ITPR2: variants seen among roughly 807,000 people sequenced by gnomAD.
The protein encoded by ITPR2 is inositol 1,4,5-trisphosphate receptor type 2.
Under a neutral mutation model 317.1 loss-of-function variants are expected in ITPR2, and 207 were observed. The observed-to-expected ratio is 0.65, with a 90% CI of 0.58 to 0.73. The LOEUF is 0.73. ITPR2 is among the 30% of genes least tolerant of loss of function. ITPR2 has a pLI of 0.00. For synonymous variants in ITPR2, 1,156 were observed against 1,149.1 expected (o/e 1.01, Z -0.12); for missense variants, 2,613 against 3,284.0 (o/e 0.80, Z 4.99).
intron 26 of ITPR2, among the ~76,000 whole-genome samples, chr12:26,605,126 A>AATATATATAT (rs71069256): frequency 1.5e-4 from 20 of 136,318 alleles, no homozygotes; most frequent in African/African-American, 5.0e-4. Flanking sequence ...AAAAAATAAA[A>AATATATATAT]ATATATATAT....
intron 2 of ITPR2, among the ~76,000 whole-genome samples, chr12:26,768,794 T>G (rs1331939243): frequency 6.6e-6 from 1 of 152,098 alleles, no homozygotes; most frequent in African/African-American, 2.4e-5. Flanking sequence ...GCAGCCTGTC[T>G]AAATAGAACC....
At chr12:26,736,623 G>T (rs773919106) in intron 2 of ITPR2, among the ~76,000 whole-genome samples, 1 of 152,150 alleles carries the variant, frequency 6.6e-6, no homozygotes, top group Non-Finnish European at 1.5e-5. Flanking sequence ...CCTGTTGCCT[G>T]AGCTTAATTA....
chr12:26,591,341 C>T (rs1945697931), intron 32 of ITPR2, among the ~76,000 whole-genome samples: 1 of 152,146 alleles, frequency 6.6e-6, no homozygotes, highest in South Asian at 2.1e-4. Flanking sequence ...AGGTGTTCAA[C>T]ATCATTGATC....
At chr12:26,623,659 G>A (rs1286560956) in intron 24 of ITPR2, among the ~76,000 whole-genome samples, 3 of 152,180 alleles carry the variant, frequency 2.0e-5, no homozygotes, top group African/African-American at 7.2e-5. Flanking sequence ...TGTACAGACT[G>A]TTTTTAGGGT....
At chr12:26,804,029 A>C (rs1226984795) in intron 1 of ITPR2, among the ~76,000 whole-genome samples, 1 of 152,160 alleles carries the variant, frequency 6.6e-6, no homozygotes, top group Admixed American at 6.5e-5. Flanking sequence ...ATAAAAAATA[A>C]AGAAATAATT....
In ITPR2 at chr12:26,408,881, A is replaced by C. The variant is rs150398300; in HGVS notation, c.7399+2439T>G. ...CAATAAAATATTTGTGTTAATAATA[A>C]ACTTTTTAACATATTATTTTTCATA... On this transcript the variant is annotated intron_variant, in intron 52 of 56. Coordinates refer to ENST00000381340, the MANE Select transcript of ITPR2 (RefSeq NM_002223.4). Among the ~76,000 whole-genome samples the C allele has an allele frequency of 4.3e-3, 652 of 152,324 alleles. 5 individuals are homozygous for C. The highest frequency in any genetic ancestry group is 0.015 in the African/African-American group (615 of 41,568).
At chr12:26,832,546 C>T (rs1951132129) in intron 1 of ITPR2, 144 bp downstream of exon 1, 8 of 527,094 alleles carry the variant, frequency 1.5e-5, no homozygotes, top group Non-Finnish European at 2.6e-5. Flanking sequence ...GAGAGCGGAG[C>T]GCACGGCGCT....
chr12:26,790,903 T>A (rs1280236961), intron 1 of ITPR2, among the ~76,000 whole-genome samples: 1 of 152,178 alleles, frequency 6.6e-6, no homozygotes, highest in East Asian at 1.9e-4. Flanking sequence ...CCTCACAGTA[T>A]TGTTAGAAAG....
Position 26,628,179 on chromosome 12 carries a change from G to A in ITPR2, c.2935-17C>T, listed in dbSNP as rs769636976. On this transcript the variant is annotated splice_polypyrimidine_tract_variant and intron_variant, in intron 22 of 56. Coordinates refer to ENST00000381340, the MANE Select transcript of ITPR2 (RefSeq NM_002223.4). ...CAGGATAAACTATAAGAAACATTAA[G>A]AACAACATAAATTTCTTTCATTAGC... The A allele has an allele frequency of 6.4e-6, 10 of 1,571,220 alleles. No individual in the cohort carries two copies. Among genetic ancestry groups the A allele is most frequent in the Non-Finnish European group, 8.6e-6 (10 of 1,156,468 alleles).
intron 37 of ITPR2, among the ~76,000 whole-genome samples, chr12:26,512,043 C>A (rs7303990): frequency 0.42 from 63,548 of 151,986 alleles, 14,874 homozygotes; most frequent in Non-Finnish European, 0.53. Flanking sequence ...TCAAAAACAT[C>A]TTTTGCTCTT....
At chr12:26,641,716 C>A (rs1211398595) in intron 21 of ITPR2, among the ~76,000 whole-genome samples, 1 of 151,988 alleles carries the variant, frequency 6.6e-6, no homozygotes, top group Non-Finnish European at 1.5e-5. Context: ...TGATGTGTAG[C>A]CTGGCATCCG....
rs932194609 is a variant in ITPR2, at chr12:26,445,843, G to A, written c.6343-2193C>T. ...AAATAGATGGCAGCTAGACAAAAGG[G>A]CAGGGATAAAGGTGGATTTTTTAAA... On this transcript the variant is annotated intron_variant, in intron 45 of 56. Coordinates refer to ENST00000381340, the MANE Select transcript of ITPR2 (RefSeq NM_002223.4). Among the ~76,000 whole-genome samples, 3 of 152,148 alleles carry A rather than the reference G, an allele frequency of 2.0e-5. No homozygotes were observed. The East Asian group carries it at 5.8e-4, about 29-fold the overall frequency.
chr12:26,759,430 G>C (rs1178280038), intron 2 of ITPR2, among the ~76,000 whole-genome samples: 1 of 152,190 alleles, frequency 6.6e-6, no homozygotes, highest in Non-Finnish European at 1.5e-5. Flanking sequence ...AAGAGAAAGA[G>C]TAATTCGTAA....
At chr12:26,446,164 A>G (rs896844126) in intron 45 of ITPR2, among the ~76,000 whole-genome samples, 12 of 152,146 alleles carry the variant, frequency 7.9e-5, no homozygotes, top group African/African-American at 2.9e-4. Flanking sequence ...AAAAGCAGCT[A>G]TAAAATAGCT....
At chr12:26,568,560 T>A (rs953617290) in intron 34 of ITPR2, among the ~76,000 whole-genome samples, 1 of 152,072 alleles carries the variant, frequency 6.6e-6, no homozygotes, top group Non-Finnish European at 1.5e-5. Context: ...TATAAAAAAA[T>A]TTTAATTAGA....
At chr12:26,432,746 G>C (rs1240900392) in intron 48 of ITPR2, among the ~76,000 whole-genome samples, 1 of 152,104 alleles carries the variant, frequency 6.6e-6, no homozygotes, top group African/African-American at 2.4e-5. Flanking sequence ...TTATTCTATA[G>C]GAGATGATGT....
At chr12:26,660,413 T>A (rs1947470564) in intron 15 of ITPR2, among the ~76,000 whole-genome samples, 1 of 152,232 alleles carries the variant, frequency 6.6e-6, no homozygotes, top group Non-Finnish European at 1.5e-5. Flanking sequence ...CACACTGCCA[T>A]GGGACTGGTG....
chr12:26,797,998 T>C (rs1233329911), intron 1 of ITPR2, among the ~76,000 whole-genome samples: 2 of 152,088 alleles, frequency 1.3e-5, no homozygotes, highest in East Asian at 3.9e-4. Flanking sequence ...AGCAGAATTG[T>C]CTTTAAAAGA....
At chr12:26,572,643 T>C (rs1254471025) in intron 34 of ITPR2, among the ~76,000 whole-genome samples, 1 of 152,208 alleles carries the variant, frequency 6.6e-6, no homozygotes, top group Non-Finnish European at 1.5e-5. Flanking sequence ...ATTAAAGTGA[T>C]TGATTTGCAT....
Sources: gnomAD v4.1 joint callset for allele counts (sites outside exome capture counted in the v4.1 genomes callset) on GRCh38, gnomAD v4.1.1 for gene constraint, MANE v1.5 for transcripts, NCBI Gene and HGNC (gene_info 2026-07-23, HGNC 2026-07-21) for gene names.